LIPC: variants seen among roughly 807,000 people sequenced by gnomAD.
LIPC encodes the protein lipase C, hepatic type, also known as hepatic triacylglycerol lipase.
A neutral mutation model predicts 50.7 loss-of-function variants in LIPC; 44 were observed. That is an observed-to-expected ratio of 0.87 (90% confidence interval 0.68 to 1.11). LIPC has a LOEUF of 1.11. LIPC is among the 50% of genes most tolerant of loss of function. The pLI is 0.00. For missense variants in LIPC, 697 were observed against 648.2 expected, an observed-to-expected ratio of 1.08 and a Z score of -0.82; for synonymous variants, 271 against 256.4, an observed-to-expected ratio of 1.06 and a Z score of -0.54.
chr15:58,505,028 C>T (rs550100404), intron 1 of LIPC, among the ~76,000 whole-genome samples: 1 of 152,236 alleles, frequency 6.6e-6, no homozygotes, highest in Non-Finnish European at 1.5e-5. Flanking sequence ...CATGCAGAAG[C>T]TGGAGGAACC....
rs1894462808 is a variant in LIPC, at chr15:58,568,630, T to C, written c.1389-86T>C. 8 of 806,406 alleles carry C rather than the reference T, an allele frequency of 9.9e-6. No homozygotes were observed. In the South Asian group the frequency reaches 1.2e-4, roughly 12 times the overall value. 50.0% of individuals were successfully genotyped at this position (806,406 alleles called of 1,614,324 possible). A position where few individuals can be genotyped will look rare whatever the true frequency, so the allele number is the denominator to read the frequency against. ...AAAGACATCACATGCCTTACACAAA[T>C]TGAGTGAAATTTGATAAAGAATGAA... On this transcript the variant is annotated intron_variant, in intron 8 of 8. Transcript: ENST00000299022.
Position 58,542,409 on chromosome 15 carries a change from G to A in LIPC, c.457-125G>A, listed in dbSNP as rs1464680169. The A allele has an allele frequency of 6.6e-6, 5 of 761,324 alleles. No homozygotes were observed. The East Asian group carries it at 1.3e-4, about 19-fold the overall frequency. The allele number at this position is 761,324 out of a possible 1,614,324, so 47.2% of individuals were successfully genotyped here. On this transcript the variant is annotated intron_variant, in intron 3 of 8. Coordinates refer to ENST00000299022, the MANE Select transcript of LIPC (RefSeq NM_000236.3). The stretch of plus-strand genomic sequence containing the variant: ...TGAGAGATTAGTTTCAGTTTGGAGT[G>A]TGAATAAGGCACCTCATTTCTGAGC...
At chr15:58,465,729 T>C (rs1291740384) in intron 1 of LIPC, among the ~76,000 whole-genome samples, 1 of 152,144 alleles carries the variant, frequency 6.6e-6, no homozygotes, top group African/African-American at 2.4e-5. Flanking sequence ...ACCAGGAAGC[T>C]TGGACCCGTC....
At chr15:58,567,319 A>G (rs867271895) in intron 8 of LIPC, among the ~76,000 whole-genome samples, 865 of 80,338 alleles carry the variant, frequency 0.011, 13 homozygotes, top group East Asian at 0.071. Flanking sequence ...ATATATGTAT[A>G]TGTGTATATA....
chr15:58,509,647 C>A (rs574704385), intron 1 of LIPC, among the ~76,000 whole-genome samples: 5 of 152,186 alleles, frequency 3.3e-5, no homozygotes, highest in African/African-American at 1.2e-4. Flanking sequence ...TTACCAACTC[C>A]CCAGTAAGCC....
At chr15:58,452,261 GC>G (rs1164860132) in intron 1 of LIPC, among the ~76,000 whole-genome samples, 7 of 152,322 alleles carry the variant, frequency 4.6e-5, no homozygotes, top group African/African-American at 1.4e-4. Flanking sequence ...TGGGTATGGG[GC>G]CCGGCAGTCT....
intron 4 of LIPC, among the ~76,000 whole-genome samples, chr15:58,543,603 A>C (rs1394994229): frequency 6.6e-6 from 1 of 152,090 alleles, no homozygotes; most frequent in African/African-American, 2.4e-5. Context: ...ATGAATAACA[A>C]AGTTGTTGCG....
At chr15:58,510,994 C>T (rs1286056562) in intron 1 of LIPC, among the ~76,000 whole-genome samples, 1 of 152,202 alleles carries the variant, frequency 6.6e-6, no homozygotes, top group Non-Finnish European at 1.5e-5. Context: ...TCAACAACCG[C>T]ACCTGGAAGG....
rs748164947 is a variant in LIPC, at chr15:58,545,893, C to G, written c.726C>G (p.Asp242Glu). 2.5e-6 allele frequency: 4 copies of G among 1,614,096 alleles called. No individual in the cohort carries two copies. The South Asian group carries it at 3.3e-5, about 13-fold the overall frequency. The change falls in exon 5 of 9, where the codon GAC becomes GAG. Residue 242 changes from aspartate to glutamate, a missense_variant. By Grantham distance (45) the Asp-to-Glu change is conservative. Transcript: ENST00000299022. ...VGIKQPIGHY[D>E]FYPNGGSFQP... ...TCAAACAGCCCATAGGACACTATGA[C>G]TTCTATCCCAACGGGGGCTCCTTCC...
chr15:58,464,124 G>T (rs1566916375), intron 1 of LIPC, among the ~76,000 whole-genome samples: 1 of 152,068 alleles, frequency 6.6e-6, no homozygotes, highest in Admixed American at 6.5e-5. Flanking sequence ...TTAAAATCAT[G>T]ATAAAAGGAG....
intron 1 of LIPC, among the ~76,000 whole-genome samples, chr15:58,493,248 C>T (rs1218884334): frequency 2.0e-5 from 3 of 152,118 alleles, no homozygotes; most frequent in Admixed American, 2.0e-4. Flanking sequence ...CTGCCGGCCA[C>T]CTCCTCCCGC....
At chr15:58,554,056 A>G (rs1893851748) in intron 6 of LIPC, among the ~76,000 whole-genome samples, 1 of 152,252 alleles carries the variant, frequency 6.6e-6, no homozygotes, top group South Asian at 2.1e-4. Context: ...TCCCAGAGCC[A>G]ACATCTAATG....
At chr15:58,467,142 C>G (rs1894596400) in intron 1 of LIPC, among the ~76,000 whole-genome samples, 3 of 152,172 alleles carry the variant, frequency 2.0e-5, no homozygotes. Flanking sequence ...TGTTTACTGA[C>G]CCTGGGAAAT....
At chr15:58,512,395 C>G (rs114112612) in intron 1 of LIPC, among the ~76,000 whole-genome samples, 1 of 152,348 alleles carries the variant, frequency 6.6e-6, no homozygotes, top group African/African-American at 2.4e-5. Context: ...AGCCACTGCA[C>G]CTGGCTGTTT....
intron 1 of LIPC, among the ~76,000 whole-genome samples, chr15:58,525,946 G>A (rs1301763889): frequency 6.6e-6 from 1 of 152,186 alleles, no homozygotes; most frequent in African/African-American, 2.4e-5. Context: ...CATTGTGGGA[G>A]GTACTTTACA....
chr15:58,438,366 C>T (rs527599452), intron 1 of LIPC, among the ~76,000 whole-genome samples: 3 of 152,244 alleles, frequency 2.0e-5, no homozygotes, highest in East Asian at 1.9e-4. Flanking sequence ...GAGGTCACAG[C>T]GATTCTCACA....
chr15:58,489,217 C>CGGTGGGGGGGGGG, intron 1 of LIPC, among the ~76,000 whole-genome samples: 1 of 16,570 alleles, frequency 6.0e-5, no homozygotes, highest in East Asian at 1.9e-3. Context: ...CATTTTGTTG[C>CGGTGGGGGGGGGG]GGGGGCGGGG....
At chr15:58,475,654 T>C (rs1335134620) in intron 1 of LIPC, among the ~76,000 whole-genome samples, 1 of 152,214 alleles carries the variant, frequency 6.6e-6, no homozygotes, top group Admixed American at 6.5e-5. Flanking sequence ...CATCTGTCTC[T>C]ACCAGCAAAC....
At chr15:58,464,632 G>A (rs144599185) in intron 1 of LIPC, among the ~76,000 whole-genome samples, 164 of 152,126 alleles carry the variant, frequency 1.1e-3, no homozygotes, top group Non-Finnish European at 1.8e-3. Flanking sequence ...AGTCCTTCCC[G>A]GGCTCCTTGT....
Sources: gnomAD v4.1 joint callset for allele counts (sites outside exome capture counted in the v4.1 genomes callset) on GRCh38, gnomAD v4.1.1 for gene constraint, MANE v1.5 for transcripts, NCBI Gene and HGNC (gene_info 2026-07-23, HGNC 2026-07-21) for gene names.